UTRN: variants seen among roughly 807,000 people sequenced by gnomAD.
UTRN encodes utrophin.
In UTRN, 283 loss-of-function variants were observed where a neutral mutation model predicts 463.9. The observed-to-expected ratio is 0.61, with a 90% confidence interval of 0.55 to 0.67. The LOEUF (loss-of-function observed/expected upper bound fraction) is 0.67. UTRN is among the 30% of genes least tolerant of loss of function. The pLI is 0.00. For synonymous variants in UTRN, 1,442 were observed against 1,431.5 expected (o/e 1.01, Z -0.17); for missense variants, 3,922 against 4,084.3 (o/e 0.96, Z 1.08).
chr6:144,771,659 C>G (rs1246015212), intron 58 of UTRN, among the ~76,000 whole-genome samples: 6 of 152,136 alleles, frequency 3.9e-5, no homozygotes, highest in African/African-American at 1.4e-4. Flanking sequence ...CTCCTGACCT[C>G]AAGTGATCCA....
rs767441317 is a variant in UTRN at position 144,839,332 on chromosome 6, T to G, written c.10177+48T>G. 4.1e-6 allele frequency: 6 copies of G among 1,470,658 alleles called. No individual in the cohort carries two copies. In the Middle Eastern group the frequency reaches 5.3e-4, roughly 129 times the overall value. 91.1% of individuals were successfully genotyped at this position (1,470,658 alleles called of 1,614,324 possible). A position where few individuals can be genotyped will look rare whatever the true frequency, so the allele number is the denominator to read the frequency against. ...TCCTCTGCTGAGTCTGCTTTGTGCT[T>G]TGCCATTAGTTTGTGTTTCCTGTTA... On this transcript the variant is annotated intron_variant, in intron 72 of 74. Transcript: ENST00000367545.
At chr6:144,775,072 A>G (rs957163829) in intron 60 of UTRN, among the ~76,000 whole-genome samples, 1 of 152,196 alleles carries the variant, frequency 6.6e-6, no homozygotes, top group African/African-American at 2.4e-5. Flanking sequence ...AGTGATATTT[A>G]CCTGTTCTTT....
chr6:144,846,854 T>C, intron 74 of UTRN, 27 bp downstream of exon 74: 1 of 1,613,958 alleles, frequency 6.2e-7, no homozygotes, highest in South Asian at 1.1e-5. Flanking sequence ...TGGTTGGCTC[T>C]ATGTTACTGA....
intron 53 of UTRN, among the ~76,000 whole-genome samples, chr6:144,725,232 C>T (rs1474618749): frequency 6.6e-6 from 1 of 152,250 alleles, no homozygotes; most frequent in Non-Finnish European, 1.5e-5. Flanking sequence ...GTCTTGCCTC[C>T]CGCCATGTAA....
Position 144,827,658 on chromosome 6 carries a change from T to C in UTRN, c.9581T>C (p.Ile3194Thr). ...QLFHDDTHSR[I>T]EQYATRLAQM... ...TTTCATGATGACACCCATTCAAGAA[T>C]AGAACAATATGCCACACGGTAAGAA... The change falls in exon 68 of 75, where the codon ATA (isoleucine) becomes ACA (threonine). Residue 3194 changes from isoleucine (I) to threonine (T), a missense_variant. This residue lies in a region of UTRN where 1,309 missense variants were observed against 1,452.6 expected (regional missense o/e 0.90). Coordinates refer to ENST00000367545, the MANE Select transcript of UTRN (RefSeq NM_007124.3). The C allele has an allele frequency of 6.2e-7, 1 of 1,613,666 alleles. No individual in the cohort carries two copies. The highest frequency in any genetic ancestry group is 1.1e-5 in the South Asian group (1 of 91,060).
chr6:144,375,900 CTGGCGTT>C (rs2114723955), intron 2 of UTRN, among the ~76,000 whole-genome samples: 1 of 152,308 alleles, frequency 6.6e-6, no homozygotes, highest in East Asian at 1.9e-4. Context: ...CACGTTCTGC[CTGGCGTT>C]TTATGGCATG....
At chr6:144,485,815 C>T (rs1317162555) in intron 28 of UTRN, among the ~76,000 whole-genome samples, 2 of 152,206 alleles carry the variant, frequency 1.3e-5, no homozygotes, top group South Asian at 2.1e-4. Context: ...CTGGACAAAG[C>T]TCTGCCATAT....
intron 55 of UTRN, among the ~76,000 whole-genome samples, chr6:144,749,167 C>T (rs186322038): frequency 6.6e-6 from 1 of 152,102 alleles, no homozygotes; most frequent in South Asian, 2.1e-4. Flanking sequence ...TTCCCATATT[C>T]TAGAACATCT....
intron 51 of UTRN, among the ~76,000 whole-genome samples, chr6:144,655,852 T>G (rs1035392860): frequency 6.6e-6 from 1 of 152,262 alleles, no homozygotes; most frequent in Admixed American, 6.5e-5. Flanking sequence ...TTTAACAAAT[T>G]ATATGAAATA....
chr6:144,350,856 A>T (rs9321971), intron 2 of UTRN, among the ~76,000 whole-genome samples: 9,680 of 152,234 alleles, frequency 0.064, 1,017 homozygotes, highest in African/African-American at 0.22. Flanking sequence ...TTATTTTCAG[A>T]TATCTAGGAC....
intron 51 of UTRN, among the ~76,000 whole-genome samples, chr6:144,618,908 A>C (rs964319370): frequency 1.3e-5 from 2 of 152,138 alleles, no homozygotes; most frequent in South Asian, 4.1e-4. Flanking sequence ...TATAGTATTT[A>C]ACAACTTTTA....
chr6:144,726,422 C>A (rs117653240), intron 53 of UTRN, among the ~76,000 whole-genome samples: 2 of 152,104 alleles, frequency 1.3e-5, no homozygotes, highest in Non-Finnish European at 2.9e-5. Context: ...ACTCAATTTA[C>A]GCACCACCTC....
chr6:144,699,926 A>G (rs1437669410), intron 52 of UTRN, among the ~76,000 whole-genome samples, 161 bp from the exon 53 acceptor site: 1 of 148,694 alleles, frequency 6.7e-6, no homozygotes, highest in Non-Finnish European at 1.5e-5. Flanking sequence ...AGTATATTAT[A>G]AATACATATA....
chr6:144,638,236 G>C (rs1450463436), intron 51 of UTRN, among the ~76,000 whole-genome samples: 1 of 152,132 alleles, frequency 6.6e-6, no homozygotes, highest in Admixed American at 6.5e-5. Flanking sequence ...TGAAGTACAG[G>C]GGACTTTTCT....
At chr6:144,347,050 T>C (rs901625354) in intron 2 of UTRN, among the ~76,000 whole-genome samples, 1 of 152,162 alleles carries the variant, frequency 6.6e-6, no homozygotes, top group African/African-American at 2.4e-5. Flanking sequence ...GGACTGGCCA[T>C]TTAGGCATCT....
intron 51 of UTRN, among the ~76,000 whole-genome samples, chr6:144,598,651 T>C (rs1275126028): frequency 6.6e-6 from 1 of 152,178 alleles, no homozygotes; most frequent in Non-Finnish European, 1.5e-5. Flanking sequence ...TGGGGTAAAA[T>C]ACTTACATTT....
rs1298202923 is a variant in UTRN at position 144,461,091 on chromosome 6, T to A, written c.2708-106T>A. 5.6e-6 allele frequency: 5 copies of A among 893,340 alleles called. No individual in the cohort carries two copies. The African/African-American group carries it at 6.9e-5, about 12-fold the overall frequency. The allele number at this position is 893,340 out of a possible 1,614,324, so 55.3% of individuals were successfully genotyped here. On this transcript the variant is annotated intron_variant, in intron 21 of 74. Coordinates refer to ENST00000367545, the MANE Select transcript of UTRN (RefSeq NM_007124.3). Reference sequence around the variant, plus strand: ...CAGAGACCCTTTTACATTTTAATCATGGGGTCTCCTTTGCCATGTATTGGA... The same window carrying A: ...CAGAGACCCTTTTACATTTTAATCAAGGGGTCTCCTTTGCCATGTATTGGA...
chr6:144,592,610 C>T (rs1016785521), intron 51 of UTRN, among the ~76,000 whole-genome samples: 1 of 152,108 alleles, frequency 6.6e-6, no homozygotes, highest in Non-Finnish European at 1.5e-5. Flanking sequence ...ACCTCGTGAT[C>T]CCCCTGCCTC....
intron 2 of UTRN, among the ~76,000 whole-genome samples, chr6:144,352,281 T>C (rs1185232310): frequency 6.6e-6 from 1 of 152,200 alleles, no homozygotes; most frequent in Non-Finnish European, 1.5e-5. Context: ...GAATCTTTTT[T>C]GTGTGTGTAC....
Sources: gnomAD v4.1 joint callset for allele counts (sites outside exome capture counted in the v4.1 genomes callset) on GRCh38, gnomAD v4.1.1 for gene constraint, gnomAD v4.1.1 regional missense constraint, MANE v1.5 for transcripts, NCBI Gene and HGNC (gene_info 2026-07-23, HGNC 2026-07-21) for gene names.